Variants in PTPRD observed in about 807,000 individuals in gnomAD.
The protein encoded by PTPRD is protein tyrosine phosphatase receptor type D, also known as receptor-type tyrosine-protein phosphatase delta.
Under a neutral mutation model 214.5 loss-of-function variants are expected in PTPRD, and 34 were observed. The observed-to-expected ratio is 0.16, with a 90% CI of 0.12 to 0.21. PTPRD has a LOEUF of 0.21. Ranked by LOEUF, PTPRD falls within the 10% of genes least tolerant of loss-of-function variation. PTPRD has a pLI of 1.00. For missense variants in PTPRD, 2,545 were observed against 2,398.7 expected (o/e 1.06, Z -1.27); for synonymous variants, 1,128 against 845.7 (o/e 1.33, Z -5.79).
intron 4 of PTPRD, among the ~76,000 whole-genome samples, chr9:9,954,311 A>AAAACAAC (rs2093716660): frequency 6.7e-6 from 1 of 149,982 alleles, no homozygotes; most frequent in Non-Finnish European, 1.5e-5. Flanking sequence ...AAAAAAAAAA[A>AAAACAAC]AAAAAAAAAA....
chr9:8,482,618 A>G (rs2096911043), intron 30 of PTPRD, among the ~76,000 whole-genome samples: 1 of 152,198 alleles, frequency 6.6e-6, no homozygotes, highest in African/African-American at 2.4e-5. Context: ...ATTTCCTAAA[A>G]TGGAATTTTA....
chr9:8,967,333 T>G (rs995783876), intron 11 of PTPRD, among the ~76,000 whole-genome samples: 23 of 151,822 alleles, frequency 1.5e-4, no homozygotes, highest in Non-Finnish European at 2.8e-4. Context: ...TCCTACTAAA[T>G]GGAAAGAAAT....
At chr9:8,691,578 G>T (rs146309604) in intron 12 of PTPRD, among the ~76,000 whole-genome samples, 232 of 152,192 alleles carry the variant, frequency 1.5e-3, no homozygotes, top group African/African-American at 5.4e-3. Context: ...CATTACATAA[G>T]AATTCTATTG....
At chr9:9,882,514 A>G (rs2069112937) in intron 5 of PTPRD, among the ~76,000 whole-genome samples, 3 of 152,098 alleles carry the variant, frequency 2.0e-5, no homozygotes, top group Admixed American at 6.6e-5. Context: ...TCTACTTTAG[A>G]AGTTCTAGGC....
intron 3 of PTPRD, among the ~76,000 whole-genome samples, chr9:10,150,179 G>C (rs1195168012): frequency 6.6e-6 from 1 of 152,134 alleles, no homozygotes; most frequent in African/African-American, 2.4e-5. Flanking sequence ...AGAATTATTT[G>C]TAATAGTGAG....
chr9:9,934,867 G>C lies in PTPRD; in HGVS notation c.-368+3640C>G, dbSNP rs539737889. On this transcript the variant is annotated intron_variant, in intron 5 of 45. Transcript: ENST00000381196. ...AACGAATCCAGCAGCACATCAAAAAGCTTATCAACCATGATCAAGAGGGCT... is the reference window on the plus strand; with the variant it reads ...AACGAATCCAGCAGCACATCAAAAACCTTATCAACCATGATCAAGAGGGCT... 1.1e-3 allele frequency among the ~76,000 whole-genome samples: 167 copies of C among 152,158 alleles called. 5 individuals are homozygous for C. In the South Asian group the frequency reaches 0.034, roughly 31 times the overall value.
At chr9:9,444,807 T>C (rs1280535689) in intron 8 of PTPRD, among the ~76,000 whole-genome samples, 1 of 152,176 alleles carries the variant, frequency 6.6e-6, no homozygotes, top group African/African-American at 2.4e-5. Flanking sequence ...CTGCAAATTA[T>C]GCCCCATGTA....
At chr9:8,719,337 A>G (rs1044768929) in intron 12 of PTPRD, among the ~76,000 whole-genome samples, 1 of 152,240 alleles carries the variant, frequency 6.6e-6, no homozygotes, top group African/African-American at 2.4e-5. Context: ...TTAGACATCT[A>G]TGTTTATCAA....
intron 3 of PTPRD, among the ~76,000 whole-genome samples, chr9:10,291,078 T>C (rs2095513820): frequency 6.6e-6 from 1 of 151,286 alleles, no homozygotes; most frequent in African/African-American, 2.4e-5. Flanking sequence ...AGAATGAGCA[T>C]ATAGTGAGAT....
intron 7 of PTPRD, among the ~76,000 whole-genome samples, chr9:9,636,276 C>G (rs375055426): frequency 1.1e-3 from 161 of 152,210 alleles, no homozygotes; most frequent in African/African-American, 3.8e-3. Flanking sequence ...TAAACAATGT[C>G]TAGGACTTTT....
At chr9:8,568,770 A>G (rs1018943414) in intron 14 of PTPRD, among the ~76,000 whole-genome samples, 2 of 152,052 alleles carry the variant, frequency 1.3e-5, no homozygotes, top group Non-Finnish European at 2.9e-5. Flanking sequence ...CAGAGGCATA[A>G]CAGTCTCCAT....
intron 3 of PTPRD, among the ~76,000 whole-genome samples, chr9:10,099,872 A>T (rs1040432327): frequency 6.6e-6 from 1 of 151,754 alleles, no homozygotes; most frequent in African/African-American, 2.4e-5. Flanking sequence ...ATAGTTTAGA[A>T]GAAAAAATGG....
At chr9:9,401,248 CATA>C (rs2070322657) in intron 8 of PTPRD, among the ~76,000 whole-genome samples, 1 of 152,060 alleles carries the variant, frequency 6.6e-6, no homozygotes, top group Non-Finnish European at 1.5e-5. Context: ...TACATGCATA[CATA>C]ATAATCTCTG....
intron 9 of PTPRD, among the ~76,000 whole-genome samples, chr9:9,188,469 C>T (rs1235571212): frequency 6.6e-6 from 1 of 152,034 alleles, no homozygotes. Context: ...AGCAATTATA[C>T]TTTTCCTGCA....
rs931445527 is a variant in PTPRD, at chr9:8,875,317, G to A, written c.-103-141371C>T. Reference sequence around the variant, plus strand: ...GAGGTAGGAGGATCCCGTGAGCCCAGGAGTTCGAGAGCCTGGGCAACAGAA... The same window carrying A: ...GAGGTAGGAGGATCCCGTGAGCCCAAGAGTTCGAGAGCCTGGGCAACAGAA... On this transcript the variant is annotated intron_variant, in intron 11 of 45. Coordinates refer to ENST00000381196, the MANE Select transcript of PTPRD (RefSeq NM_002839.4). 9.9e-5 allele frequency among the ~76,000 whole-genome samples: 15 copies of A among 152,210 alleles called. 1 individual carries two copies. Among genetic ancestry groups the A allele is most frequent in the Admixed American group, 8.5e-4 (13 of 15,276 alleles).
At chr9:8,914,094 A>T (rs1587931883) in intron 11 of PTPRD, among the ~76,000 whole-genome samples, 1 of 152,140 alleles carries the variant, frequency 6.6e-6, no homozygotes, top group African/African-American at 2.4e-5. Flanking sequence ...CTCTGAAGAA[A>T]AGAAGCATGA....
chr9:9,337,661 G>A (rs1224544075), intron 9 of PTPRD, among the ~76,000 whole-genome samples: 1 of 152,186 alleles, frequency 6.6e-6, no homozygotes, highest in African/African-American at 2.4e-5. Flanking sequence ...CTTGTCCTGT[G>A]ATGACTTTGC....
chr9:9,211,548 CACACACACACAA>C (rs1042240975), intron 9 of PTPRD, among the ~76,000 whole-genome samples: 3 of 133,474 alleles, frequency 2.2e-5, no homozygotes, highest in Non-Finnish European at 5.3e-5. Flanking sequence ...CACACACACA[CACACACACACAA>C]GAGCTAAGGT....
intron 14 of PTPRD, among the ~76,000 whole-genome samples, chr9:8,571,719 TTAAGGGG>T (rs1418131893): frequency 6.6e-6 from 1 of 152,148 alleles, no homozygotes; most frequent in Non-Finnish European, 1.5e-5. Context: ...TTTGTTCATT[TTAAGGGG>T]AATGCATAGT....
Sources: gnomAD v4.1 joint callset for allele counts (sites outside exome capture counted in the v4.1 genomes callset) on GRCh38, gnomAD v4.1.1 for gene constraint, MANE v1.5 for transcripts, NCBI Gene and HGNC (gene_info 2026-07-23, HGNC 2026-07-21) for gene names.